The following NELL1 variants were observed in gnomAD, a reference collection of about 807,000 sequenced individuals.
The protein encoded by NELL1 is protein kinase C-binding protein NELL1.
A neutral mutation model predicts 107.4 loss-of-function variants in NELL1; 76 were observed. The observed-to-expected ratio is 0.71, with a 90% CI of 0.59 to 0.86. NELL1 has a LOEUF of 0.86. Ranked by LOEUF, NELL1 falls within the 40% of genes least tolerant of loss-of-function variation. NELL1 has a pLI of 0.00. For synonymous variants in NELL1, 353 were observed against 341.2 expected, an observed-to-expected ratio of 1.03 and a Z score of -0.38; for missense variants, 1,024 against 1,005.5, an observed-to-expected ratio of 1.02 and a Z score of -0.25.
chr11:21,049,275 C>A (rs973271375), intron 12 of NELL1, among the ~76,000 whole-genome samples: 1 of 152,156 alleles, frequency 6.6e-6, no homozygotes. Flanking sequence ...CTTCCAGAAT[C>A]GGAAGGAATA....
intron 2 of NELL1, among the ~76,000 whole-genome samples, chr11:20,689,342 A>T (rs1374510425): frequency 6.6e-6 from 1 of 151,432 alleles, no homozygotes; most frequent in African/African-American, 2.4e-5. Context: ...TGTGCTGGTT[A>T]GTTACATAGG....
intron 11 of NELL1, among the ~76,000 whole-genome samples, chr11:20,957,213 A>G (rs1015524347): frequency 1.3e-5 from 2 of 152,206 alleles, no homozygotes; most frequent in African/African-American, 4.8e-5. Context: ...TGGGTGAACT[A>G]GGAAAAATCC....
intron 12 of NELL1, among the ~76,000 whole-genome samples, chr11:21,041,877 G>A (rs2134333194): frequency 6.6e-6 from 1 of 152,336 alleles, no homozygotes; most frequent in Middle Eastern, 3.4e-3. Context: ...ACCAAGGATG[G>A]TGTTTTGCTG....
intron 17 of NELL1, among the ~76,000 whole-genome samples, chr11:21,565,967 C>A (rs1265913369): frequency 6.6e-6 from 1 of 151,896 alleles, no homozygotes; most frequent in South Asian, 2.1e-4. Context: ...ATTACCAACC[C>A]TAATTTCATA....
chr11:20,968,871 C>A (rs532482301), intron 12 of NELL1, among the ~76,000 whole-genome samples: 1 of 152,142 alleles, frequency 6.6e-6, no homozygotes, highest in Non-Finnish European at 1.5e-5. Flanking sequence ...TGGGCCAGGG[C>A]TGTTCACATT....
At chr11:21,127,062 C>A (rs1436059047) in intron 13 of NELL1, among the ~76,000 whole-genome samples, 1 of 152,110 alleles carries the variant, frequency 6.6e-6, no homozygotes, top group Non-Finnish European at 1.5e-5. Flanking sequence ...GTTCTGCTGG[C>A]TGGCATCTAG....
intron 12 of NELL1, among the ~76,000 whole-genome samples, chr11:21,039,250 A>T (rs1343949005): frequency 6.6e-6 from 1 of 151,912 alleles, no homozygotes. Flanking sequence ...CACTGGTGCA[A>T]TCTCGGCTCA....
chr11:21,488,863 T>C (rs1442529664), intron 15 of NELL1, among the ~76,000 whole-genome samples: 1 of 151,828 alleles, frequency 6.6e-6, no homozygotes, highest in African/African-American at 2.4e-5. Flanking sequence ...AACCTAATGA[T>C]GCACCTTAAG....
intron 15 of NELL1, among the ~76,000 whole-genome samples, chr11:21,387,674 G>A (rs1276078282): frequency 6.6e-6 from 1 of 151,680 alleles, no homozygotes; most frequent in Admixed American, 6.6e-5. Flanking sequence ...CAAAAGTTTT[G>A]ACAACTGCAA....
chr11:21,337,864 T>G lies in NELL1; in HGVS notation c.1550-32989T>G, dbSNP rs181742193. Among the ~76,000 whole-genome samples the G allele has an allele frequency of 5.3e-5, 8 of 150,558 alleles. No homozygotes were observed. In the East Asian group the frequency reaches 1.6e-3, roughly 29 times the overall value. On this transcript the variant is annotated intron_variant, in intron 14 of 19. Coordinates refer to ENST00000357134, the MANE Select transcript of NELL1 (RefSeq NM_006157.5). ...TTCTTTCTTTCTTTCTTTCTTTCTT[T>G]CTTTCTTTCTTTCTTTCTTTCAGTG...
At chr11:20,961,189 AAG>A (rs1047923787) in intron 12 of NELL1, among the ~76,000 whole-genome samples, 1 of 152,164 alleles carries the variant, frequency 6.6e-6, no homozygotes, top group African/African-American at 2.4e-5. Context: ...CCTCCGTCTT[AAG>A]AGAGCACCGT....
chr11:21,268,095 G>T (rs1362328465), intron 14 of NELL1, among the ~76,000 whole-genome samples: 1 of 152,150 alleles, frequency 6.6e-6, no homozygotes, highest in Non-Finnish European at 1.5e-5. Context: ...AGACAGACAG[G>T]CAGAAACAAA....
chr11:20,814,012 T>C (rs1041505198), intron 3 of NELL1, among the ~76,000 whole-genome samples: 1 of 152,024 alleles, frequency 6.6e-6, no homozygotes, highest in Non-Finnish European at 1.5e-5. Context: ...TATTTTTTTG[T>C]AGAGATGGAG....
At chr11:21,410,289 A>G (rs917271915) in intron 15 of NELL1, among the ~76,000 whole-genome samples, 4 of 151,902 alleles carry the variant, frequency 2.6e-5, no homozygotes, top group African/African-American at 9.7e-5. Flanking sequence ...TTTCATTTCC[A>G]CTCTACTGTA....
chr11:21,012,058 T>G (rs2134288361), intron 12 of NELL1, among the ~76,000 whole-genome samples: 1 of 152,204 alleles, frequency 6.6e-6, no homozygotes, highest in Non-Finnish European at 1.5e-5. Context: ...GGTTAAGACC[T>G]GTGTTTTCTC....
At chr11:20,728,079 T>C (rs907643854) in intron 2 of NELL1, among the ~76,000 whole-genome samples, 2 of 152,334 alleles carry the variant, frequency 1.3e-5, no homozygotes, top group South Asian at 2.1e-4. Context: ...TTTTTTCATA[T>C]GTTTGTTGGC....
intron 13 of NELL1, among the ~76,000 whole-genome samples, chr11:21,117,626 A>G: frequency 6.6e-6 from 1 of 152,012 alleles, no homozygotes; most frequent in East Asian, 1.9e-4. Flanking sequence ...AGAACATTCT[A>G]TTGGATGTTC....
chr11:21,315,898 T>A (rs879260456), intron 14 of NELL1, among the ~76,000 whole-genome samples: 85 of 150,524 alleles, frequency 5.6e-4, no homozygotes, highest in African/African-American at 1.5e-3. Flanking sequence ...TGAGTGTGTG[T>A]GTGTGTGTGT....
At chr11:21,229,198 T>C (rs1453992558) in intron 13 of NELL1, 134 bp from the exon 14 acceptor site, 2 of 926,218 alleles carry the variant, frequency 2.2e-6, no homozygotes, top group Non-Finnish European at 3.2e-6. Flanking sequence ...ACAGGAACTT[T>C]TAGGCGCATA....
Sources: gnomAD v4.1 joint callset for allele counts (sites outside exome capture counted in the v4.1 genomes callset) on GRCh38, gnomAD v4.1.1 for gene constraint, MANE v1.5 for transcripts, NCBI Gene and HGNC (gene_info 2026-07-23, HGNC 2026-07-21) for gene names.